RIMS2: variants seen among roughly 807,000 people sequenced by gnomAD.
The protein encoded by RIMS2 is regulating synaptic membrane exocytosis 2.
A neutral mutation model predicts 174.4 loss-of-function variants in RIMS2; 59 were observed. The ratio of observed to expected loss-of-function variants is 0.34; its 90% CI spans 0.27 to 0.42. The LOEUF (loss-of-function observed/expected upper bound fraction) is 0.42, where lower values mean the gene tolerates loss of function less well. Ranked by LOEUF, RIMS2 falls within the 10% of genes least tolerant of loss-of-function variation. The pLI is 1.00. For synonymous variants in RIMS2, 606 were observed against 572.5 expected, an observed-to-expected ratio of 1.06 and a Z score of -0.84; for missense variants, 1,620 against 1,666.3, an observed-to-expected ratio of 0.97 and a Z score of 0.48.
chr8:103,627,613 T>C (rs1379321061), intron 1 of RIMS2, among the ~76,000 whole-genome samples: 1 of 152,252 alleles, frequency 6.6e-6, no homozygotes, highest in Non-Finnish European at 1.5e-5. Context: ...GTCCATGAAA[T>C]CTTCACAATT....
chr8:103,707,290 T>C (rs1384050589), intron 2 of RIMS2, among the ~76,000 whole-genome samples: 1 of 152,196 alleles, frequency 6.6e-6, no homozygotes, highest in Non-Finnish European at 1.5e-5. Flanking sequence ...ATTTAGTAAA[T>C]TTGGTGAAGT....
intron 1 of RIMS2, among the ~76,000 whole-genome samples, chr8:103,558,154 GA>G (rs1338363274): frequency 6.6e-6 from 1 of 151,322 alleles, no homozygotes; most frequent in East Asian, 1.9e-4. Flanking sequence ...AAAAAACAAA[GA>G]AAAAAACCCA....
exon 20 of RIMS2, chr8:104,244,936 A>C (rs2099322404): frequency 2.5e-6 from 4 of 1,613,866 alleles, no homozygotes; most frequent in Admixed American, 1.7e-5. Flanking sequence ...TAAAAAACTA[A>C]GGAGCACTGT....
chr8:104,253,242 A>G (rs2099363089), downstream of RIMS2: 1 of 152,142 alleles, frequency 6.6e-6, no homozygotes, highest in African/African-American at 2.4e-5. Flanking sequence ...TACAGGGGTT[A>G]AAGTATTATT....
At chr8:103,764,001 A>T (rs991684591) in intron 2 of RIMS2, among the ~76,000 whole-genome samples, 4 of 152,176 alleles carry the variant, frequency 2.6e-5, no homozygotes, top group Admixed American at 2.0e-4. Context: ...GGGTTTGGGG[A>T]AAAAATATTG....
chr8:103,875,403 G>A (rs1382136643), intron 3 of RIMS2, among the ~76,000 whole-genome samples: 2 of 151,836 alleles, frequency 1.3e-5, no homozygotes, highest in African/African-American at 4.8e-5. Context: ...TAGGGTAATG[G>A]CCTCCAGTTC....
chr8:104,020,099 T>C (rs1228864288), intron 19 of RIMS2, among the ~76,000 whole-genome samples: 2 of 152,088 alleles, frequency 1.3e-5, no homozygotes, highest in African/African-American at 4.8e-5. Context: ...TTATTTGGTT[T>C]TTTTTACTTT....
intron 16 of RIMS2, among the ~76,000 whole-genome samples, chr8:103,984,151 G>T (rs1049536618): frequency 2.0e-5 from 3 of 151,960 alleles, no homozygotes; most frequent in Non-Finnish European, 1.5e-5. Context: ...TCCAGCCTGG[G>T]CGACAGAGCG....
At chr8:103,863,344 T>C (rs766819485) in intron 3 of RIMS2, among the ~76,000 whole-genome samples, 21 of 152,008 alleles carry the variant, frequency 1.4e-4, no homozygotes, top group Middle Eastern at 6.8e-3. Context: ...TAATTTTTTT[T>C]GGTTTGCTAG....
intron 1 of RIMS2, among the ~76,000 whole-genome samples, chr8:103,536,665 C>G (rs759676662): frequency 3.9e-5 from 6 of 152,154 alleles, no homozygotes; most frequent in South Asian, 2.1e-4. Flanking sequence ...AGGTGCTATA[C>G]GCTTTTAAAT....
intron 1 of RIMS2, among the ~76,000 whole-genome samples, chr8:103,650,457 G>A (rs1203165867): frequency 1.3e-5 from 2 of 152,224 alleles, no homozygotes; most frequent in Non-Finnish European, 2.9e-5. Flanking sequence ...TAGAGCAGGT[G>A]TGCTGCATTC....
chr8:103,513,646 A>G (rs1258295704), intron 1 of RIMS2, among the ~76,000 whole-genome samples: 3 of 152,076 alleles, frequency 2.0e-5, no homozygotes, highest in Admixed American at 1.3e-4. Context: ...AGCTTTTTGG[A>G]TTTGGGAATT....
intron 2 of RIMS2, among the ~76,000 whole-genome samples, chr8:103,710,172 G>T (rs1176677): frequency 0.35 from 53,798 of 151,820 alleles, 10,236 homozygotes; most frequent in East Asian, 0.77. Flanking sequence ...CTCAGTGAAA[G>T]TTGGTCTTAC....
intron 2 of RIMS2, among the ~76,000 whole-genome samples, chr8:103,733,719 C>T (rs536806269): frequency 5.3e-5 from 8 of 152,202 alleles, no homozygotes; most frequent in South Asian, 4.1e-4. Context: ...AACGCTAAGT[C>T]GCATAATCAC....
chr8:103,655,052 G>C (rs542132954), intron 1 of RIMS2, among the ~76,000 whole-genome samples: 1 of 151,782 alleles, frequency 6.6e-6, no homozygotes, highest in East Asian at 1.9e-4. Context: ...ATATTCTTTA[G>C]CATAATAGGA....
rs370595922 is a variant in RIMS2 at position 104,009,693 on chromosome 8, A to AT, written c.3045-3742dup. ...TACTTGTTCTTCAGAGATATATCCA[A>AT]TTTTTTTAAATTTAAGATGTCAGCT... is the stretch of plus-strand genomic sequence containing the variant. On this transcript the variant is annotated intron_variant, in intron 17 of 23. Coordinates refer to ENST00000504942, the Ensembl canonical transcript of RIMS2. Among the ~76,000 whole-genome samples the AT allele has an allele frequency of 2.4e-3, 370 of 152,246 alleles. 2 individuals are homozygous for AT. The highest frequency in any genetic ancestry group is 7.9e-3 in the African/African-American group (327 of 41,548).
chr8:103,619,831 C>T (rs948421288), intron 1 of RIMS2, among the ~76,000 whole-genome samples: 4 of 152,040 alleles, frequency 2.6e-5, no homozygotes, highest in Non-Finnish European at 5.9e-5. Flanking sequence ...TATAACAGTT[C>T]CTAGAAAAGG....
intron 19 of RIMS2, among the ~76,000 whole-genome samples, chr8:104,044,167 A>G (rs575177341): frequency 6.6e-6 from 1 of 151,764 alleles, no homozygotes; most frequent in Admixed American, 6.6e-5. Flanking sequence ...TGAGGGATAT[A>G]TTGTATTTAA....
chr8:103,922,016 C>T (rs1204085621), intron 10 of RIMS2: 2 of 269,220 alleles, frequency 7.4e-6, no homozygotes, highest in Non-Finnish European at 1.4e-5. Flanking sequence ...TGTAAAGGTA[C>T]CTAAACTTTT....
Sources: gnomAD v4.1 joint callset for allele counts (sites outside exome capture counted in the v4.1 genomes callset) on GRCh38, gnomAD v4.1.1 for gene constraint, MANE v1.5 for transcripts, NCBI Gene and HGNC (gene_info 2026-07-23, HGNC 2026-07-21) for gene names.